DRC11: variants seen among roughly 807,000 people sequenced by gnomAD.
DRC11 encodes the protein dynein regulatory complex subunit 11, also known as IQ and AAA domain-containing protein 1.
At chr2:236,322,493 G>A in the DRC11 span, among the ~76,000 whole-genome samples, 1 of 151,806 alleles carries the variant, frequency 6.6e-6, no homozygotes, top group African/African-American at 2.4e-5. Flanking sequence ...TGATCCACCC[G>A]CCTCGGCCTC....
chr2:236,330,458 A>C, the DRC11 span, among the ~76,000 whole-genome samples: 1 of 152,198 alleles, frequency 6.6e-6, no homozygotes, highest in African/African-American at 2.4e-5. This position sits in a 1 kb window ranked among gnomAD's most constrained non-coding sequence, Gnocchi z 5.5. Context: ...TTACTTCTGA[A>C]ATCATTATTA....
At chr2:236,336,954 T>C in the DRC11 span, among the ~76,000 whole-genome samples, 1 of 152,204 alleles carries the variant, frequency 6.6e-6, no homozygotes, top group Non-Finnish European at 1.5e-5. This position sits in a 1 kb window ranked among gnomAD's most constrained non-coding sequence, Gnocchi z 7.3. Context: ...TTTCAGCTAC[T>C]GCTCCAACTT....
At chr2:236,489,727 A>C in the DRC11 span, among the ~76,000 whole-genome samples, 2 of 152,134 alleles carry the variant, frequency 1.3e-5, no homozygotes, top group East Asian at 3.9e-4. Context: ...TTTTAAGACC[A>C]GGCTGGGCAA....
the DRC11 span, among the ~76,000 whole-genome samples, chr2:236,459,422 G>A: frequency 7.9e-5 from 12 of 150,972 alleles, no homozygotes; most frequent in African/African-American, 2.2e-4. Context: ...AAGGACAAGC[G>A]AAATCTCAAT....
chr2:236,455,427 G>A, the DRC11 span, among the ~76,000 whole-genome samples: 3 of 152,226 alleles, frequency 2.0e-5, no homozygotes, highest in African/African-American at 7.2e-5. The surrounding 1 kb of genome is among the most constrained non-coding windows in gnomAD (Gnocchi z 5.7). Context: ...CTGAGAGAAA[G>A]GACCAGCTTT....
At chr2:236,492,655 A>G in the DRC11 span, among the ~76,000 whole-genome samples, 2 of 152,210 alleles carry the variant, frequency 1.3e-5, no homozygotes, top group Non-Finnish European at 2.9e-5. Flanking sequence ...AAGGCCAGCC[A>G]GAAGGGTGAG....
chr2:236,493,082 G>A, the DRC11 span, among the ~76,000 whole-genome samples: 6 of 152,212 alleles, frequency 3.9e-5, no homozygotes, highest in Non-Finnish European at 8.8e-5. Flanking sequence ...ACAGTTCCAT[G>A]TGGCTAGGGA....
At chr2:236,461,569 C>T in the DRC11 span, among the ~76,000 whole-genome samples, 1 of 152,148 alleles carries the variant, frequency 6.6e-6, no homozygotes, top group Admixed American at 6.6e-5. The surrounding 1 kb of genome is among the most constrained non-coding windows in gnomAD (Gnocchi z 4.0). Flanking sequence ...ATCCTAGTAC[C>T]AGGCACAGTC....
At chr2:236,392,333 CT>C in the DRC11 span, 1 of 1,588,546 alleles carries the variant, frequency 6.3e-7, no homozygotes, top group Non-Finnish European at 8.6e-7. The surrounding 1 kb of genome is among the most constrained non-coding windows in gnomAD (Gnocchi z 5.1). Context: ...CAAGACTCAT[CT>C]TTTTTCATCC....
chr2:236,352,229 CAG>C, the DRC11 span, among the ~76,000 whole-genome samples: 2 of 151,990 alleles, frequency 1.3e-5, no homozygotes, highest in African/African-American at 4.8e-5. The surrounding 1 kb of genome is among the most constrained non-coding windows in gnomAD (Gnocchi z 7.0). Context: ...CTGTGCTGGC[CAG>C]AGAGTTTGGT....
At chr2:236,324,560 G>A in the DRC11 span, 2 of 623,142 alleles carry the variant, frequency 3.2e-6, no homozygotes, top group Non-Finnish European at 5.7e-6. This position sits in a 1 kb window ranked among gnomAD's most constrained non-coding sequence, Gnocchi z 5.7. Flanking sequence ...CTTCCCCTGA[G>A]GGCTTCTTCA....
chr2:236,374,038 C>T, the DRC11 span, among the ~76,000 whole-genome samples: 2 of 152,148 alleles, frequency 1.3e-5, no homozygotes, highest in Non-Finnish European at 2.9e-5. Context: ...TTGAGGTGGG[C>T]CAAACCCCTC....
At chr2:236,421,100 G>A in the DRC11 span, among the ~76,000 whole-genome samples, 1 of 152,002 alleles carries the variant, frequency 6.6e-6, no homozygotes, top group South Asian at 2.1e-4. Flanking sequence ...AGTAATTCAG[G>A]AGCAGGTTGT....
chr2:236,357,825 CATATACTATATAA>C, the DRC11 span, among the ~76,000 whole-genome samples: 2 of 120,010 alleles, frequency 1.7e-5, no homozygotes, highest in African/African-American at 6.8e-5. Context: ...TATAAATATA[CATATACTATATAA>C]ATATGTAATA....
the DRC11 span, among the ~76,000 whole-genome samples, chr2:236,357,897 TAA>T: frequency 8.1e-6 from 1 of 123,608 alleles, no homozygotes; most frequent in Non-Finnish European, 1.6e-5. Context: ...AATGTATTTA[TAA>T]TATATAAATA....
the DRC11 span, among the ~76,000 whole-genome samples, chr2:236,452,480 G>C: frequency 2.0e-5 from 3 of 152,152 alleles, no homozygotes; most frequent in Non-Finnish European, 2.9e-5. This position sits in a 1 kb window ranked among gnomAD's most constrained non-coding sequence, Gnocchi z 4.7. Flanking sequence ...TTTTTCCTGC[G>C]TTCTAAAGAA....
the DRC11 span, among the ~76,000 whole-genome samples, chr2:236,310,823 G>T: frequency 6.6e-6 from 1 of 152,180 alleles, no homozygotes; most frequent in Admixed American, 6.5e-5. This position sits in a 1 kb window ranked among gnomAD's most constrained non-coding sequence, Gnocchi z 5.5. Context: ...ATGTCTTGTT[G>T]GGGAGGATGT....
chr2:236,356,966 A>AT, the DRC11 span, among the ~76,000 whole-genome samples: 14 of 110,384 alleles, frequency 1.3e-4, 1 homozygote, highest in African/African-American at 5.3e-4. Context: ...ATAAATATAT[A>AT]TATTATATAT....
the DRC11 span, among the ~76,000 whole-genome samples, chr2:236,316,586 A>G: frequency 1.3e-5 from 2 of 152,326 alleles, no homozygotes; most frequent in East Asian, 3.9e-4. This position sits in a 1 kb window ranked among gnomAD's most constrained non-coding sequence, Gnocchi z 6.8. Flanking sequence ...GAAATAGACA[A>G]CCCAATGGAA....
Sources: gnomAD v4.1 joint callset for allele counts (sites outside exome capture counted in the v4.1 genomes callset) on GRCh38, gnomAD v4.1.1 for gene constraint, Gnocchi (gnomAD v3.1) non-coding constraint, MANE v1.5 for transcripts, NCBI Gene and HGNC (gene_info 2026-07-23, HGNC 2026-07-21) for gene names.